The following LDHB variants were observed in gnomAD, a reference collection of about 807,000 sequenced individuals.
The protein encoded by LDHB is L-lactate dehydrogenase B chain.
In LDHB, 18 loss-of-function variants were observed where a neutral mutation model predicts 33.4. That is an observed-to-expected ratio of 0.54 (90% CI 0.37 to 0.80). The LOEUF (loss-of-function observed/expected upper bound fraction) is 0.80, where lower values mean the gene tolerates loss of function less well. LDHB is among the 30% of genes least tolerant of loss of function. The probability of loss-of-function intolerance (pLI) is 0.00; values close to 1 mark genes in which losing one functional copy is unlikely to be tolerated. For missense variants in LDHB, 345 were observed against 407.9 expected, an observed-to-expected ratio of 0.85 and a Z score of 1.33; for synonymous variants, 121 against 140.6, an observed-to-expected ratio of 0.86 and a Z score of 0.98.
At chr12:21,656,318 A>G (rs938333644) in intron 1 of LDHB, among the ~76,000 whole-genome samples, 1 of 152,228 alleles carries the variant, frequency 6.6e-6, no homozygotes, top group Non-Finnish European at 1.5e-5. Context: ...TTCCTAGTGG[A>G]CGTTAAAGAG....
chr12:21,635,750 GTA>G, intron 7 of LDHB, 41 bp from the exon 8 acceptor site: 1 of 1,590,362 alleles, frequency 6.3e-7, no homozygotes, highest in Admixed American at 1.7e-5. Context: ...ACATGAAACT[GTA>G]AGTAAAAATG....
At chr12:21,650,844 G>A (rs556526816) in intron 2 of LDHB, among the ~76,000 whole-genome samples, 3 of 152,328 alleles carry the variant, frequency 2.0e-5, no homozygotes, top group South Asian at 4.1e-4. Flanking sequence ...AACATATCAG[G>A]AAGGAAATAG....
intron 2 of LDHB, among the ~76,000 whole-genome samples, chr12:21,647,934 T>C (rs751493814): frequency 1.3e-5 from 2 of 152,116 alleles, no homozygotes; most frequent in Non-Finnish European, 2.9e-5. Context: ...TGACCTCAGT[T>C]GATCCACCCG....
intron 1 of LDHB, among the ~76,000 whole-genome samples, chr12:21,655,455 G>A (rs1390596453): frequency 1.3e-5 from 2 of 152,086 alleles, no homozygotes; most frequent in Non-Finnish European, 2.9e-5. Flanking sequence ...TGGAAGATAG[G>A]GACTGATTCT....
intron 5 of LDHB, among the ~76,000 whole-genome samples, chr12:21,640,488 ATAAT>A (rs934390042): frequency 1.6e-4 from 24 of 152,192 alleles, no homozygotes; most frequent in African/African-American, 5.1e-4. Context: ...ATTGATAGTT[ATAAT>A]TAATAGTTTA....
intron 1 of LDHB, among the ~76,000 whole-genome samples, chr12:21,654,994 G>A (rs1938800312): frequency 6.6e-6 from 1 of 152,126 alleles, no homozygotes; most frequent in Non-Finnish European, 1.5e-5. Context: ...GGTGGTGCAA[G>A]CCTGTAGTCC....
intron 4 of LDHB, among the ~76,000 whole-genome samples, chr12:21,642,414 G>C (rs1302277676): frequency 2.0e-5 from 3 of 152,038 alleles, no homozygotes; most frequent in African/African-American, 7.2e-5. Context: ...GAACCTTGCA[G>C]ATTAATTAAC....
rs1384400788 is a variant in LDHB at position 21,650,133 on chromosome 12, C to T, written c.130-3117G>A. 5.2e-3 allele frequency among the ~76,000 whole-genome samples: 770 copies of T among 148,684 alleles called. 22 individuals are homozygous for T. Among genetic ancestry groups the T allele is most frequent in the Middle Eastern group, 0.018 (5 of 280 alleles). On this transcript the variant is annotated intron_variant, in intron 2 of 7. Coordinates refer to ENST00000350669, the MANE Select transcript of LDHB (RefSeq NM_002300.8). ...ACACACACACACACACACACACACA[C>T]ACACACACACACACACACGTCTCTC...
intron 5 of LDHB, among the ~76,000 whole-genome samples, chr12:21,639,489 C>T (rs575445964): frequency 6.6e-5 from 10 of 151,604 alleles, no homozygotes; most frequent in South Asian, 6.3e-4. Context: ...TGTAATATCA[C>T]TTTTTCTCAC....
intron 2 of LDHB, among the ~76,000 whole-genome samples, chr12:21,649,436 C>T (rs1012753095): frequency 6.6e-6 from 1 of 152,210 alleles, no homozygotes; most frequent in African/African-American, 2.4e-5. Flanking sequence ...AAATAAATCT[C>T]CCTCTGTATT....
chr12:21,648,669 A>G (rs928415823), intron 2 of LDHB, among the ~76,000 whole-genome samples: 5 of 152,196 alleles, frequency 3.3e-5, no homozygotes, highest in African/African-American at 4.8e-5. Flanking sequence ...GAGACAGTCA[A>G]TAAGAAAAGT....
chr12:21,654,755 G>T, intron 1 of LDHB, 78 bp from the exon 2 acceptor site: 1 of 1,202,206 alleles, frequency 8.3e-7, no homozygotes, highest in Non-Finnish European at 1.2e-6. Context: ...AAATGTTACT[G>T]TTGCAATTTC....
chr12:21,654,407 G>A (rs947130996), intron 2 of LDHB, 136 bp downstream of exon 2: 1 of 755,156 alleles, frequency 1.3e-6, no homozygotes, highest in African/African-American at 1.8e-5. Flanking sequence ...AAAGTGAAGT[G>A]GGATTACATC....
chr12:21,641,921 A>C, intron 5 of LDHB, 31 bp downstream of exon 5: 1 of 1,575,596 alleles, frequency 6.3e-7, no homozygotes, highest in Non-Finnish European at 8.7e-7. Context: ...AACCAACATC[A>C]CAAGTAATTA....
intron 6 of LDHB, among the ~76,000 whole-genome samples, chr12:21,638,056 T>C (rs1938264470): frequency 6.6e-6 from 1 of 152,022 alleles, no homozygotes. Flanking sequence ...CTTTTCTAAA[T>C]AAATCAACCT....
chr12:21,652,368 C>T (rs1938715936), intron 2 of LDHB, among the ~76,000 whole-genome samples: 1 of 152,200 alleles, frequency 6.6e-6, no homozygotes, highest in Admixed American at 6.5e-5. Flanking sequence ...GCTCTTTAAG[C>T]ATCAGCCATC....
chr12:21,642,212 C>A, intron 4 of LDHB, 87 bp from the exon 5 acceptor site: 1 of 832,142 alleles, frequency 1.2e-6, no homozygotes, highest in Non-Finnish European at 2.1e-6. Context: ...TTCCCTTTTC[C>A]CACTTCCCCA....
At chr12:21,642,426 T>G (rs1283461804) in intron 4 of LDHB, among the ~76,000 whole-genome samples, 1 of 152,128 alleles carries the variant, frequency 6.6e-6, no homozygotes, top group Non-Finnish European at 1.5e-5. Context: ...TTAATTAACT[T>G]AAAGTTGAAA....
At chr12:21,640,900 T>C (rs74459792) in intron 5 of LDHB, among the ~76,000 whole-genome samples, 3,270 of 151,034 alleles carry the variant, frequency 0.022, 103 homozygotes, top group Admixed American at 0.089. Flanking sequence ...TTACAAATGA[T>C]AGTGACACAA....
Sources: gnomAD v4.1 joint callset for allele counts (sites outside exome capture counted in the v4.1 genomes callset) on GRCh38, gnomAD v4.1.1 for gene constraint, MANE v1.5 for transcripts, NCBI Gene and HGNC (gene_info 2026-07-23, HGNC 2026-07-21) for gene names.